The following MLLT3 variants were observed in gnomAD, a reference collection of about 807,000 sequenced individuals.
MLLT3 encodes the protein protein AF-9.
In MLLT3, 4 loss-of-function variants were observed where a neutral mutation model predicts 53.2. The observed-to-expected ratio is 0.08, with a 90% CI of 0.04 to 0.17. The LOEUF (loss-of-function observed/expected upper bound fraction) is 0.17. Ranked by LOEUF, MLLT3 falls within the 10% of genes least tolerant of loss-of-function variation. The pLI is 1.00. For synonymous variants in MLLT3, 283 were observed against 230.6 expected, an observed-to-expected ratio of 1.23 and a Z score of -2.06; for missense variants, 569 against 684.0, an observed-to-expected ratio of 0.83 and a Z score of 1.87.
At chr9:20,527,258 G>GTATAACAATAT (rs1387946680) in intron 2 of MLLT3, among the ~76,000 whole-genome samples, 1 of 152,040 alleles carries the variant, frequency 6.6e-6, no homozygotes, top group Non-Finnish European at 1.5e-5. Flanking sequence ...CATTTATCAG[G>GTATAACAATAT]TAGAACAATA....
chr9:20,363,684 T>A (rs1338397615), intron 6 of MLLT3, 79 bp from the exon 7 acceptor site: 6 of 1,394,206 alleles, frequency 4.3e-6, no homozygotes, highest in Non-Finnish European at 5.9e-6. Flanking sequence ...GGGGGATGCT[T>A]ACCAGCACTG....
rs371419594 is a variant in MLLT3, at chr9:20,354,801, A to G, written c.1503+7T>C. 2 of 1,600,264 alleles carry G rather than the reference A, an allele frequency of 1.2e-6. No homozygotes were observed. The highest frequency in any genetic ancestry group is 1.7e-6 in the Non-Finnish European group (2 of 1,167,984). On this transcript the variant is annotated splice_region_variant and intron_variant, in intron 9 of 10. Transcript: ENST00000380338. ...GGAGCCCTCCTAGTAACAGACTAGA[A>G]ACCTACCTTGTCACATTCACCATTC...
At chr9:20,459,143 T>C (rs1255783397) in intron 2 of MLLT3, among the ~76,000 whole-genome samples, 1 of 152,182 alleles carries the variant, frequency 6.6e-6, no homozygotes, top group East Asian at 1.9e-4. Context: ...ATGATGTTGA[T>C]AATGTACCTG....
At chr9:20,578,982 T>A (rs564367962) in intron 2 of MLLT3, among the ~76,000 whole-genome samples, 2 of 152,342 alleles carry the variant, frequency 1.3e-5, no homozygotes, top group East Asian at 3.8e-4. Context: ...ATTGCAACTG[T>A]GACTTGCATT....
chr9:20,550,043 C>G (rs138782848), intron 2 of MLLT3, among the ~76,000 whole-genome samples: 24 of 152,316 alleles, frequency 1.6e-4, no homozygotes, highest in African/African-American at 5.5e-4. Context: ...CTTCTAATAT[C>G]ATGAACTCCA....
chr9:20,448,353 T>A lies in MLLT3; in HGVS notation c.277-87A>T. 2 of 1,289,630 alleles carry A rather than the reference T, an allele frequency of 1.6e-6. No individual in the cohort carries two copies. The highest frequency in any genetic ancestry group is 2.2e-6 in the Non-Finnish European group (2 of 925,220). 79.9% of individuals were successfully genotyped at this position (1,289,630 alleles called of 1,614,324 possible). A position where few individuals can be genotyped will look rare whatever the true frequency, so the allele number is the denominator to read the frequency against. On this transcript the variant is annotated intron_variant, in intron 3 of 10. Transcript: ENST00000380338. The surrounding 1 kb of genome is among the most constrained non-coding windows in gnomAD (Gnocchi z 4.0). ...GCAAAAATTTACTCCTCATAAGAAA[T>A]AGAAAAGAACTAAGACATCTAACAG... is the stretch of plus-strand genomic sequence containing the variant.
At chr9:20,558,961 C>A (rs1015015150) in intron 2 of MLLT3, among the ~76,000 whole-genome samples, 2 of 152,176 alleles carry the variant, frequency 1.3e-5, no homozygotes, top group Non-Finnish European at 2.9e-5. Flanking sequence ...GGGTCTGAAT[C>A]ACCCTGACGG....
At chr9:20,394,720 C>T (rs1822275234) in intron 5 of MLLT3, among the ~76,000 whole-genome samples, 1 of 151,912 alleles carries the variant, frequency 6.6e-6, no homozygotes, top group Non-Finnish European at 1.5e-5. Context: ...CACTTTGTAA[C>T]AAACATGGAA....
At chr9:20,432,325 TCTA>T (rs1357782525) in intron 4 of MLLT3, among the ~76,000 whole-genome samples, 2 of 152,220 alleles carry the variant, frequency 1.3e-5, no homozygotes, top group African/African-American at 2.4e-5. Context: ...GTATTATAGT[TCTA>T]CTGACAGGAG....
At chr9:20,439,569 T>C (rs1307154865) in intron 4 of MLLT3, among the ~76,000 whole-genome samples, 1 of 152,058 alleles carries the variant, frequency 6.6e-6, no homozygotes, top group Non-Finnish European at 1.5e-5. Context: ...TAAGTTTAAT[T>C]TTGAGAAGCA....
intron 8 of MLLT3, among the ~76,000 whole-genome samples, chr9:20,358,552 CA>C (rs1481583930): frequency 6.6e-6 from 1 of 152,208 alleles, no homozygotes; most frequent in African/African-American, 2.4e-5. Context: ...AGGTAAAAAA[CA>C]GTCTGACAAA....
At chr9:20,546,552 A>G (rs1189029614) in intron 2 of MLLT3, among the ~76,000 whole-genome samples, 1 of 152,150 alleles carries the variant, frequency 6.6e-6, no homozygotes, top group Non-Finnish European at 1.5e-5. Context: ...ACTTAAAAAA[A>G]AAAAAAAAAA....
intron 2 of MLLT3, among the ~76,000 whole-genome samples, chr9:20,602,444 T>C (rs1820448512): frequency 2.0e-5 from 3 of 152,180 alleles, no homozygotes; most frequent in Admixed American, 1.3e-4. Context: ...GGGCAAATTA[T>C]ATGTTTTGAC....
At position 20,415,971 on chromosome 9, in the gene MLLT3, T is replaced by C. The variant is rs572937889; in HGVS notation, c.421-1546A>G. On this transcript the variant is annotated intron_variant, in intron 4 of 10. Coordinates refer to ENST00000380338, the MANE Select transcript of MLLT3 (RefSeq NM_004529.4). Reference sequence around the variant, plus strand: ...CTGGAGTGGTTTCAAAATTCTAAACTGAATGAAGTTACTAAGCAAAGACTT... The same window carrying C: ...CTGGAGTGGTTTCAAAATTCTAAACCGAATGAAGTTACTAAGCAAAGACTT... Among the ~76,000 whole-genome samples, 8 of 152,018 alleles carry C rather than the reference T, an allele frequency of 5.3e-5. No homozygotes were observed. The South Asian group carries it at 1.7e-3, about 32-fold the overall frequency.
chr9:20,413,307 T>G (rs1174215048), intron 5 of MLLT3, among the ~76,000 whole-genome samples: 2 of 152,176 alleles, frequency 1.3e-5, no homozygotes, highest in African/African-American at 4.8e-5. Context: ...GATCAAAACA[T>G]CAACATTATA....
At chr9:20,381,961 T>C (rs556666153) in intron 5 of MLLT3, among the ~76,000 whole-genome samples, 91 of 152,024 alleles carry the variant, frequency 6.0e-4, no homozygotes, top group African/African-American at 2.0e-3. Context: ...AATCATGAGT[T>C]AAAAAATGCT....
At chr9:20,495,596 G>A (rs527991825) in intron 2 of MLLT3, among the ~76,000 whole-genome samples, 47 of 152,010 alleles carry the variant, frequency 3.1e-4, no homozygotes, top group Admixed American at 7.9e-4. Context: ...TATTAACAGC[G>A]TTTTCATTAC....
intron 2 of MLLT3, among the ~76,000 whole-genome samples, chr9:20,527,001 T>C (rs768285488): frequency 2.6e-5 from 4 of 152,180 alleles, no homozygotes; most frequent in Non-Finnish European, 5.9e-5. Flanking sequence ...CTGAATTGAT[T>C]TGGCAAAATC....
chr9:20,616,391 A>C (rs974574254), intron 2 of MLLT3, among the ~76,000 whole-genome samples: 6 of 152,142 alleles, frequency 3.9e-5, no homozygotes, highest in Non-Finnish European at 8.8e-5. Flanking sequence ...GCTAATCCCT[A>C]TTTTTAAAAC....
Sources: gnomAD v4.1 joint callset for allele counts (sites outside exome capture counted in the v4.1 genomes callset) on GRCh38, gnomAD v4.1.1 for gene constraint, Gnocchi (gnomAD v3.1) non-coding constraint, MANE v1.5 for transcripts, NCBI Gene and HGNC (gene_info 2026-07-23, HGNC 2026-07-21) for gene names.